The following DOCK3 variants were observed in gnomAD, a reference collection of about 807,000 sequenced individuals.
The protein encoded by DOCK3 is dedicator of cytokinesis 3, also known as dedicator of cytokinesis protein 3.
A neutral mutation model predicts 265.6 loss-of-function variants in DOCK3; 60 were observed. That is an observed-to-expected ratio of 0.23 (90% CI 0.18 to 0.28). The LOEUF (loss-of-function observed/expected upper bound fraction) is 0.28. Among genes scored for constraint, DOCK3 ranks in the 10% least tolerant of loss-of-function variants. DOCK3 has a pLI of 1.00. For missense variants in DOCK3, 1,981 were observed against 2,594.3 expected, an observed-to-expected ratio of 0.76 and a Z score of 5.14; for synonymous variants, 881 against 938.0, an observed-to-expected ratio of 0.94 and a Z score of 1.11.
chr3:50,685,211 C>CT (rs926751249), intron 1 of DOCK3, among the ~76,000 whole-genome samples: 23 of 152,308 alleles, frequency 1.5e-4, no homozygotes, highest in African/African-American at 5.5e-4. Flanking sequence ...TACTTTCCTA[C>CT]TTTTGAGCAG....
intron 1 of DOCK3, among the ~76,000 whole-genome samples, chr3:50,724,265 G>A (rs1215718987): frequency 1.3e-5 from 2 of 152,158 alleles, no homozygotes; most frequent in Admixed American, 1.3e-4. Flanking sequence ...AATTAGTTAA[G>A]CCACTGTGGA....
At chr3:50,733,172 C>G (rs181767046) in intron 1 of DOCK3, among the ~76,000 whole-genome samples, 1 of 152,134 alleles carries the variant, frequency 6.6e-6, no homozygotes, top group Non-Finnish European at 1.5e-5. Flanking sequence ...AGAGAATGTT[C>G]TGTGCATTTG....
In DOCK3 at chr3:51,381,920, G is replaced by T; in HGVS notation, c.*361G>T. ...TTGCCACACTGCAGGGCCCAGGAGTGGGAGCCCAGGCCCTCCCTCCAGGGT... is the reference window on the plus strand; with the variant it reads ...TTGCCACACTGCAGGGCCCAGGAGTTGGAGCCCAGGCCCTCCCTCCAGGGT... On this transcript the variant is annotated 3_prime_UTR_variant, in exon 53 of 53. Transcript: ENST00000266037. This position sits in a 1 kb window ranked among gnomAD's most constrained non-coding sequence, Gnocchi z 5.6. 1 of 194,276 alleles carries T rather than the reference G, an allele frequency of 5.1e-6. No individual in the cohort carries two copies. The highest frequency in any genetic ancestry group is 1.0e-5 in the Non-Finnish European group (1 of 95,524). The allele number at this position is 194,276 out of a possible 1,614,324, so 12.0% of individuals were successfully genotyped here.
chr3:50,795,273 GC>G (rs2042706260), intron 2 of DOCK3, among the ~76,000 whole-genome samples: 1 of 152,108 alleles, frequency 6.6e-6, no homozygotes, highest in Admixed American at 6.5e-5. Context: ...TTAAATGTTG[GC>G]CTGTCGAGGT....
chr3:51,053,039 A>C (rs1198060704), intron 5 of DOCK3, among the ~76,000 whole-genome samples: 2 of 135,678 alleles, frequency 1.5e-5, no homozygotes, highest in Non-Finnish European at 1.6e-5. Context: ...GGCCCTTTAT[A>C]GTAAGGATTA....
At chr3:51,281,340 G>T (rs747872707) in intron 27 of DOCK3, among the ~76,000 whole-genome samples, 11 of 148,820 alleles carry the variant, frequency 7.4e-5, no homozygotes, top group Non-Finnish European at 1.5e-4. Context: ...ACAAATCTGT[G>T]TTGGGCTGCA....
At position 51,381,502 on chromosome 3, in the gene DOCK3, G is replaced by A. The variant is rs546461082; in HGVS notation, c.6036G>A (p.Gly2012=). The change falls in exon 53 of 53, where the codon GGG becomes GGA. Residue 2012 remains glycine (G), a synonymous_variant. Transcript: ENST00000266037. This position sits in a 1 kb window ranked among gnomAD's most constrained non-coding sequence, Gnocchi z 5.6. ...ACCGCAAGGCTCCATTGCCTCCTGG[G>A]AGCGCTAAGGAGGAGCAGGCCCGCA... ...GLHRKAPLPP[G]SAKEEQARMA... is the part of the protein sequence containing the mutation. 43 of 1,580,710 alleles carry A rather than the reference G, an allele frequency of 2.7e-5. 1 individual carries two copies. In the South Asian group the frequency reaches 4.7e-4, roughly 17 times the overall value.
intron 1 of DOCK3, among the ~76,000 whole-genome samples, chr3:50,701,377 C>T (rs1392038631): frequency 1.3e-5 from 2 of 152,168 alleles, no homozygotes; most frequent in Admixed American, 1.3e-4. Flanking sequence ...CTTGGCCTCC[C>T]AAAGTGATGG....
chr3:50,740,351 G>A (rs185210709), intron 1 of DOCK3, among the ~76,000 whole-genome samples: 11 of 152,154 alleles, frequency 7.2e-5, no homozygotes, highest in Non-Finnish European at 1.0e-4. Flanking sequence ...TCTTGGTATC[G>A]TCATATTTTT....
At chr3:50,925,822 G>GTTTTTTTTTTTTT (rs1434953359) in intron 4 of DOCK3, among the ~76,000 whole-genome samples, 5 of 123,280 alleles carry the variant, frequency 4.1e-5, no homozygotes, top group African/African-American at 1.8e-4. Context: ...GGTAAAACTA[G>GTTTTTTTTTTTTT]TCTTTTTTTT....
chr3:50,880,334 A>T (rs899759591), intron 3 of DOCK3, among the ~76,000 whole-genome samples: 5 of 152,248 alleles, frequency 3.3e-5, no homozygotes, highest in African/African-American at 1.2e-4. Context: ...CAATGAAGCC[A>T]GGAGCTGGTT....
At chr3:50,974,807 T>G (rs2077376432) in intron 5 of DOCK3, among the ~76,000 whole-genome samples, 2 of 144,604 alleles carry the variant, frequency 1.4e-5, no homozygotes, top group Non-Finnish European at 3.0e-5. Flanking sequence ...GTATCATCTT[T>G]TATTTCATTG....
intron 12 of DOCK3, among the ~76,000 whole-genome samples, chr3:51,187,781 A>G (rs1044498183): frequency 7.7e-6 from 1 of 130,068 alleles, no homozygotes; most frequent in East Asian, 2.2e-4. Context: ...GCCTGCTGCC[A>G]TACTTGTAAG....
intron 5 of DOCK3, among the ~76,000 whole-genome samples, chr3:51,008,318 T>A (rs915762737): frequency 1.3e-5 from 2 of 152,148 alleles, no homozygotes; most frequent in Non-Finnish European, 2.9e-5. Context: ...GGTTTGTAGT[T>A]CTCCTTGAAG....
At chr3:50,799,382 G>A (rs927779897) in intron 2 of DOCK3, among the ~76,000 whole-genome samples, 4 of 151,834 alleles carry the variant, frequency 2.6e-5, no homozygotes, top group African/African-American at 7.3e-5. Flanking sequence ...GGTCCTCTTC[G>A]ATTTCTTTTA....
In DOCK3 at chr3:51,290,248, C is replaced by T. The variant is rs567937972; in HGVS notation, c.2922+10044C>T. Reference sequence around the variant, plus strand: ...GGCACATGCACATGTATGTTTATTGCGGCACTACTCACAATAGCAAAGACT... The same window carrying T: ...GGCACATGCACATGTATGTTTATTGTGGCACTACTCACAATAGCAAAGACT... On this transcript the variant is annotated intron_variant, in intron 27 of 52. Coordinates refer to ENST00000266037, the MANE Select transcript of DOCK3 (RefSeq NM_004947.5). 5.0e-4 allele frequency among the ~76,000 whole-genome samples: 76 copies of T among 152,176 alleles called. 1 individual carries two copies. The South Asian group carries it at 7.3e-3, about 15-fold the overall frequency.
intron 9 of DOCK3, among the ~76,000 whole-genome samples, chr3:51,094,552 CTCTTT>C (rs757968638): frequency 7.2e-5 from 11 of 151,848 alleles, no homozygotes; most frequent in Non-Finnish European, 1.6e-4. Context: ...TTTCACTTTT[CTCTTT>C]TCTTCTTTAT....
At chr3:51,027,566 C>T (rs2108924688) in intron 5 of DOCK3, among the ~76,000 whole-genome samples, 1 of 152,188 alleles carries the variant, frequency 6.6e-6, no homozygotes, top group African/African-American at 2.4e-5. Context: ...TATTGTGTGG[C>T]TGTGTGGCTG....
At chr3:50,712,742 T>C (rs144598531) in intron 1 of DOCK3, among the ~76,000 whole-genome samples, 3 of 152,298 alleles carry the variant, frequency 2.0e-5, no homozygotes, top group African/African-American at 7.2e-5. Flanking sequence ...TAATTAGGAG[T>C]GTGTTGTTTA....
Sources: gnomAD v4.1 joint callset for allele counts (sites outside exome capture counted in the v4.1 genomes callset) on GRCh38, gnomAD v4.1.1 for gene constraint, Gnocchi (gnomAD v3.1) non-coding constraint, MANE v1.5 for transcripts, NCBI Gene and HGNC (gene_info 2026-07-23, HGNC 2026-07-21) for gene names.